The following SPG11 variants were observed in gnomAD, a reference collection of about 807,000 sequenced individuals.
The protein encoded by SPG11 is SPG11 vesicle trafficking associated, spatacsin, also known as spatacsin.
SPG11 carries 222 observed loss-of-function variants against 274.0 expected under a neutral mutation model. The ratio of observed to expected loss-of-function variants is 0.81; its 90% CI spans 0.73 to 0.91. The LOEUF (loss-of-function observed/expected upper bound fraction) is 0.91, where lower values mean the gene tolerates loss of function less well. Among genes scored for constraint, SPG11 ranks in the 40% least tolerant of loss-of-function variants. The pLI, the probability that SPG11 is intolerant of heterozygous loss-of-function variation, is 0.00. For missense variants in SPG11, 3,114 were observed against 2,872.7 expected (o/e 1.08, Z -1.92); for synonymous variants, 1,144 against 1,039.7 (o/e 1.10, Z -1.93).
intron 7 of SPG11, among the ~76,000 whole-genome samples, chr15:44,644,688 T>A (rs1342268596): frequency 6.6e-6 from 1 of 152,086 alleles, no homozygotes; most frequent in African/African-American, 2.4e-5. Context: ...TAGTCTCTGT[T>A]CAAAAGCTCC....
intron 13 of SPG11, 68 bp from the exon 14 acceptor site, chr15:44,622,002 G>A: frequency 7.7e-7 from 1 of 1,295,422 alleles, no homozygotes; most frequent in Non-Finnish European, 1.1e-6. Context: ...CTTTTTATCT[G>A]CTCAAGAACA....
At chr15:44,569,327 C>T in intron 35 of SPG11, 71 bp downstream of exon 35, 1 of 1,138,430 alleles carries the variant, frequency 8.8e-7, no homozygotes, top group Non-Finnish European at 1.3e-6. Flanking sequence ...TGAGATTATT[C>T]CTGAGAAAAG....
intron 9 of SPG11, among the ~76,000 whole-genome samples, 185 bp from the exon 10 acceptor site, chr15:44,629,029 C>T (rs567234878): frequency 6.6e-6 from 1 of 152,276 alleles, no homozygotes; most frequent in Non-Finnish European, 1.5e-5. Flanking sequence ...CTTTCCTTTT[C>T]TTGTCCTTCA....
Position 44,595,383 on chromosome 15 carries a change from C to G in SPG11, c.4511G>C (p.Gly1504Ala). The stretch of plus-strand genomic sequence containing the variant: ...GTCCTCTGTTGAGTCCTGAATGTGT[C>G]CCATTGCTTCAGTTGCAACATTGTC... ...VEDNVATEAM[G>A]HIQDSTEDHT... The change falls in exon 26 of 40, where the codon GGA becomes GCA. Residue 1504 changes from glycine (G) to alanine (A), a missense_variant. Gly to Ala is a moderately conservative substitution (Grantham distance 60). Coordinates refer to ENST00000261866, the MANE Select transcript of SPG11 (RefSeq NM_025137.4). 6 of 1,614,180 alleles carry G rather than the reference C, an allele frequency of 3.7e-6. No individual in the cohort carries two copies. Among genetic ancestry groups the G allele is most frequent in the Non-Finnish European group, 4.2e-6 (5 of 1,180,028 alleles).
intron 15 of SPG11, among the ~76,000 whole-genome samples, chr15:44,619,442 A>G (rs2083678228): frequency 6.6e-6 from 1 of 152,172 alleles, no homozygotes; most frequent in Non-Finnish European, 1.5e-5. Flanking sequence ...AATGAATTAA[A>G]GTTTAAAATC....
At chr15:44,610,806 T>G in intron 18 of SPG11, 34 bp downstream of exon 18, 2 of 1,596,296 alleles carry the variant, frequency 1.3e-6, no homozygotes, top group Non-Finnish European at 1.7e-6. Context: ...AATTTAAAAA[T>G]CAGTCCTATT....
At chr15:44,635,400 C>T (rs1003193774) in intron 7 of SPG11, among the ~76,000 whole-genome samples, 1 of 151,564 alleles carries the variant, frequency 6.6e-6, no homozygotes, top group Non-Finnish European at 1.5e-5. Flanking sequence ...CATAGTGAGA[C>T]CTTGTTTCTA....
intron 7 of SPG11, among the ~76,000 whole-genome samples, chr15:44,641,922 G>GAAAAAAAAAAAAAAAAAAAAAAAAAA (rs71111874): frequency 1.8e-5 from 1 of 55,906 alleles, no homozygotes; most frequent in African/African-American, 6.0e-5. Flanking sequence ...CTGCTTAACA[G>GAAAAAAAAAAAAAAAAAAAAAAAAAA]AAAAAAAAAA....
intron 27 of SPG11, among the ~76,000 whole-genome samples, chr15:44,591,698 C>T (rs2140961636): frequency 6.6e-6 from 1 of 152,302 alleles, no homozygotes. Flanking sequence ...TGTGGCCGGA[C>T]ATGGTGGCTC....
chr15:44,598,854 C>G lies in SPG11; in HGVS notation c.3687-18G>C. On this transcript the variant is annotated intron_variant, in intron 21 of 39. Coordinates refer to ENST00000261866, the MANE Select transcript of SPG11 (RefSeq NM_025137.4). Reference sequence around the variant, plus strand: ...GCTGGATCCTGAAAAAGAAAGGAATCAAAATCACATCAGCACATGAAAATT... The same window carrying G: ...GCTGGATCCTGAAAAAGAAAGGAATGAAAATCACATCAGCACATGAAAATT... 1.9e-6 allele frequency: 3 copies of G among 1,610,166 alleles called. No homozygotes were observed. Among genetic ancestry groups the G allele is most frequent in the Non-Finnish European group, 2.5e-6 (3 of 1,176,604 alleles).
In SPG11 at chr15:44,651,962, CTT is replaced by C. The variant is rs371678656; in HGVS notation, c.1008-25_1008-24del. 1,788 of 1,602,420 alleles carry C rather than the reference CTT, an allele frequency of 1.1e-3. 25 individuals carry two copies. The African/African-American group carries it at 0.022, about 19-fold the overall frequency. ...GACCTGGAAACAAGGTAAAATATAA[CTT>C]AACACCTGTCACAGTAAAAGGCACT... On this transcript the variant is annotated intron_variant, in intron 5 of 39. Coordinates refer to ENST00000261866, the MANE Select transcript of SPG11 (RefSeq NM_025137.4).
Position 44,585,805 on chromosome 15 carries a change from T to A in SPG11, c.4952A>T (p.Asp1651Val). The A allele has an allele frequency of 6.2e-7, 1 of 1,613,964 alleles. No individual in the cohort carries two copies. The highest frequency in any genetic ancestry group is 8.5e-7 in the Non-Finnish European group (1 of 1,179,976). Residue 1651 changes from aspartate to valine, a missense_variant, in exon 29 of 40, where the codon GAT becomes GTT. By Grantham distance (152) the Asp-to-Val change is radical (BLOSUM62 -3). Coordinates refer to ENST00000261866, the MANE Select transcript of SPG11 (RefSeq NM_025137.4). ...KLCILCQILK[D>V]TSIAINHTII... The stretch of plus-strand genomic sequence containing the variant: ...TGTATGATTAATGGCTATGGATGTA[T>A]CCTTCAAAATCTGGCAAAGGATGCA...
At chr15:44,656,609 G>T (rs1198572800) in intron 4 of SPG11, among the ~76,000 whole-genome samples, 1 of 152,182 alleles carries the variant, frequency 6.6e-6, no homozygotes, top group African/African-American at 2.4e-5. Flanking sequence ...GTAAAAAGTA[G>T]TGACTTGGGG....
intron 4 of SPG11, among the ~76,000 whole-genome samples, chr15:44,655,253 T>C (rs779978148): frequency 2.6e-5 from 4 of 152,182 alleles, no homozygotes; most frequent in Non-Finnish European, 4.4e-5. Flanking sequence ...CATAGCAAGA[T>C]CCTGTCTCTA....
chr15:44,618,449 G>A (rs753321450), intron 15 of SPG11, among the ~76,000 whole-genome samples: 3 of 145,392 alleles, frequency 2.1e-5, no homozygotes, highest in Non-Finnish European at 4.5e-5. Flanking sequence ...CCTGGGAGGC[G>A]GAGCTTGCAG....
intron 27 of SPG11, 95 bp downstream of exon 27, chr15:44,592,236 G>A (rs1013111102): frequency 2.2e-5 from 17 of 764,120 alleles, no homozygotes; most frequent in Middle Eastern, 4.5e-4. Flanking sequence ...CTGAGTAACC[G>A]AGTGAGACAC....
At chr15:44,598,046 A>G (rs1453889551) in intron 23 of SPG11, among the ~76,000 whole-genome samples, 2 of 152,206 alleles carry the variant, frequency 1.3e-5, no homozygotes, top group Non-Finnish European at 2.9e-5. Flanking sequence ...GTCCATCTCT[A>G]AAGAGAGAAT....
intron 7 of SPG11, among the ~76,000 whole-genome samples, chr15:44,644,937 T>C (rs1363637420): frequency 6.6e-6 from 1 of 152,100 alleles, no homozygotes; most frequent in African/African-American, 2.4e-5. Context: ...CACAAACAAA[T>C]GGAAAAACAT....
intron 10 of SPG11, among the ~76,000 whole-genome samples, chr15:44,626,736 T>G (rs2083911079): frequency 6.6e-6 from 1 of 152,050 alleles, no homozygotes; most frequent in South Asian, 2.1e-4. Flanking sequence ...ATAAGGGCTG[T>G]GATAAAAGTA....
Sources: allele counts gnomAD v4.1 joint callset (sites outside exome capture counted in the v4.1 genomes callset), GRCh38; gene constraint gnomAD v4.1.1; transcripts MANE v1.5; gene names NCBI Gene and HGNC (gene_info 2026-07-23, HGNC 2026-07-21).